Variants in MAGI2 observed in about 807,000 individuals in gnomAD.
MAGI2 encodes membrane associated guanylate kinase, WW and PDZ domain containing 2, also known as membrane-associated guanylate kinase, WW and PDZ domain-containing protein 2.
MAGI2 carries 35 observed loss-of-function variants against 133.3 expected under a neutral mutation model. The observed-to-expected ratio is 0.26, with a 90% CI of 0.20 to 0.35. MAGI2 has a LOEUF of 0.35. MAGI2 is among the 10% of genes least tolerant of loss of function. The pLI is 1.00. For missense variants in MAGI2, 1,636 were observed against 1,863.4 expected (o/e 0.88, Z 2.25); for synonymous variants, 729 against 710.6 (o/e 1.03, Z -0.41).
chr7:78,046,913 A>C (rs553283829), intron 21 of MAGI2, among the ~76,000 whole-genome samples: 52 of 152,372 alleles, frequency 3.4e-4, no homozygotes, highest in Non-Finnish European at 6.6e-4. Context: ...ATATGGACTG[A>C]ATAATTTAAA....
At chr7:78,166,983 A>T (rs891552191) in intron 15 of MAGI2, among the ~76,000 whole-genome samples, 2 of 152,092 alleles carry the variant, frequency 1.3e-5, no homozygotes, top group African/African-American at 4.8e-5. Flanking sequence ...CTGTAACAAG[A>T]TGAAGCTCAT....
intron 3 of MAGI2, among the ~76,000 whole-genome samples, chr7:78,552,518 A>ACGTGT (rs1799438108): frequency 6.6e-6 from 1 of 152,098 alleles, no homozygotes; most frequent in African/African-American, 2.4e-5. Context: ...TTACATGAAA[A>ACGTGT]CGTGTAGCCG....
chr7:79,453,610 TCGGCGGCGG>T lies in MAGI2; in HGVS notation c.-299_-291del, dbSNP rs922819183. 10 of 1,012,968 alleles carry T rather than the reference TCGGCGGCGG, an allele frequency of 9.9e-6. No individual in the cohort carries two copies. The highest frequency in any genetic ancestry group is 5.9e-5 in the Admixed American group (1 of 16,912). 62.7% of individuals were successfully genotyped at this position (1,012,968 alleles called of 1,614,324 possible). A position where few individuals can be genotyped will look rare whatever the true frequency, so the allele number is the denominator to read the frequency against. On this transcript the variant is annotated 5_prime_UTR_variant, in exon 1 of 22. Transcript: ENST00000354212. ...AGCAGAGGAAGCAGTGGTGGTGGCG[TCGGCGGCGG>T]CGGCGGCGGCAGCCGGAGCGAGCAG...
At chr7:78,074,670 A>C (rs3807752) in intron 21 of MAGI2, among the ~76,000 whole-genome samples, 15,772 of 152,258 alleles carry the variant, frequency 0.1, 1,311 homozygotes, top group East Asian at 0.44. Context: ...GCTACTTAAG[A>C]ATTTATTAAG....
At chr7:78,428,088 T>A (rs1298456062) in intron 6 of MAGI2, among the ~76,000 whole-genome samples, 1 of 152,216 alleles carries the variant, frequency 6.6e-6, no homozygotes, top group African/African-American at 2.4e-5. Flanking sequence ...TCTGTAATTA[T>A]ATTTAATGAT....
intron 6 of MAGI2, among the ~76,000 whole-genome samples, chr7:78,373,959 A>G (rs950832538): frequency 1.3e-5 from 2 of 152,204 alleles, no homozygotes; most frequent in African/African-American, 4.8e-5. Context: ...ATAGTATTCC[A>G]TGGTGCATAT....
At chr7:78,209,140 T>C (rs1487502954) in intron 10 of MAGI2, among the ~76,000 whole-genome samples, 1 of 76,392 alleles carries the variant, frequency 1.3e-5, no homozygotes, top group Non-Finnish European at 2.6e-5. Flanking sequence ...GAGAATGGCG[T>C]GAACCCGGGA....
chr7:78,780,937 C>T (rs918415141), intron 2 of MAGI2, among the ~76,000 whole-genome samples: 5 of 152,160 alleles, frequency 3.3e-5, no homozygotes, highest in Non-Finnish European at 5.9e-5. Context: ...ATTACTTGCA[C>T]CTTGAGCAAG....
At chr7:78,829,482 T>C (rs1376135986) in intron 2 of MAGI2, among the ~76,000 whole-genome samples, 1 of 152,118 alleles carries the variant, frequency 6.6e-6, no homozygotes, top group Non-Finnish European at 1.5e-5. Flanking sequence ...GTATGTTTAT[T>C]GTATTCTGTT....
chr7:79,271,113 C>T (rs1834840506), intron 1 of MAGI2, among the ~76,000 whole-genome samples: 1 of 152,076 alleles, frequency 6.6e-6, no homozygotes, highest in African/African-American at 2.4e-5. Flanking sequence ...CCTAACAGCT[C>T]TGTGCTAATA....
At chr7:79,242,970 A>G (rs1832535886) in intron 1 of MAGI2, among the ~76,000 whole-genome samples, 1 of 152,088 alleles carries the variant, frequency 6.6e-6, no homozygotes, top group South Asian at 2.1e-4. Context: ...TAATCCCAAC[A>G]CTTTGGGAGG....
intron 1 of MAGI2, among the ~76,000 whole-genome samples, chr7:79,345,559 T>C (rs1171383186): frequency 6.6e-6 from 1 of 152,112 alleles, no homozygotes; most frequent in Non-Finnish European, 1.5e-5. Context: ...TAAGGTTAGA[T>C]TTTGATGTTC....
intron 1 of MAGI2, among the ~76,000 whole-genome samples, chr7:79,132,617 CT>C (rs1336561402): frequency 6.6e-6 from 1 of 152,002 alleles, no homozygotes; most frequent in Non-Finnish European, 1.5e-5. Context: ...GTGTAAGTGT[CT>C]TTTTTGTATA....
chr7:79,235,895 G>A (rs999879299), intron 1 of MAGI2, among the ~76,000 whole-genome samples: 1 of 152,174 alleles, frequency 6.6e-6, no homozygotes, highest in Non-Finnish European at 1.5e-5. Flanking sequence ...TCGGGTTCTT[G>A]GCAGTACCAG....
At chr7:78,940,968 C>A (rs1175693279) in intron 2 of MAGI2, 1 of 152,112 alleles carries the variant, frequency 6.6e-6, no homozygotes, top group Non-Finnish European at 1.5e-5. Flanking sequence ...AGATGAAAGG[C>A]TTTAGATATA....
chr7:78,901,908 G>T (rs1239107769), intron 2 of MAGI2, among the ~76,000 whole-genome samples: 1 of 152,088 alleles, frequency 6.6e-6, no homozygotes. Flanking sequence ...ATAAGGAACA[G>T]ATGGAAATAA....
intron 1 of MAGI2, among the ~76,000 whole-genome samples, chr7:79,296,539 T>C (rs971009584): frequency 6.6e-6 from 1 of 152,146 alleles, no homozygotes; most frequent in African/African-American, 2.4e-5. Flanking sequence ...TGTGGCAACA[T>C]GGATGAACCT....
At chr7:78,161,683 A>AG (rs1825016372) in intron 15 of MAGI2, among the ~76,000 whole-genome samples, 2 of 146,100 alleles carry the variant, frequency 1.4e-5, no homozygotes, top group Admixed American at 1.4e-4. Context: ...AAAAAAAAAA[A>AG]AAAAGAAAAA....
chr7:79,323,759 A>T (rs1839378955), intron 1 of MAGI2, among the ~76,000 whole-genome samples: 1 of 152,192 alleles, frequency 6.6e-6, no homozygotes, highest in Non-Finnish European at 1.5e-5. Context: ...CAATTGGTAC[A>T]GTTTCAGGTG....
Sources: gnomAD v4.1 joint callset for allele counts (sites outside exome capture counted in the v4.1 genomes callset) on GRCh38, gnomAD v4.1.1 for gene constraint, MANE v1.5 for transcripts, NCBI Gene and HGNC (gene_info 2026-07-23, HGNC 2026-07-21) for gene names.